CEACAM19: variants seen among roughly 807,000 people sequenced by gnomAD.
The protein encoded by CEACAM19 is CEA cell adhesion molecule 19, also known as cell adhesion molecule CEACAM19.
In CEACAM19, 37 loss-of-function variants were observed where a neutral mutation model predicts 37.6. The observed-to-expected ratio is 0.98, with a 90% confidence interval of 0.76 to 1.29. The LOEUF is 1.29. Ranked by LOEUF, CEACAM19 falls within the 50% of genes most tolerant of loss-of-function variation. The probability of loss-of-function intolerance (pLI) is 0.00; values close to 1 mark genes in which losing one functional copy is unlikely to be tolerated. For synonymous variants in CEACAM19, 140 were observed against 149.8 expected (o/e 0.93, Z 0.48); for missense variants, 340 against 375.6 (o/e 0.91, Z 0.78).
At chr19:44,678,789 T>C in intron 3 of CEACAM19, 64 bp from the exon 4 acceptor site, 2 of 1,586,120 alleles carry the variant, frequency 1.3e-6, no homozygotes, top group Non-Finnish European at 1.7e-6. Context: ...GGAAGGATGT[T>C]GCTCTCTGAT....
rs1470081173 is a variant in CEACAM19 at position 44,671,701 on chromosome 19, C to T, written c.-231C>T. On this transcript the variant is annotated 5_prime_UTR_variant, in exon 1 of 8. Coordinates refer to ENST00000358777, the MANE Select transcript of CEACAM19 (RefSeq NM_001127893.3). The stretch of plus-strand genomic sequence containing the variant: ...GAGGAGTCCTGGGAAGTTCCCCAGT[C>T]ACCCTGAAAAACTGGTTCAACCTCT... 3.9e-6 allele frequency: 2 copies of T among 508,926 alleles called. No individual in the cohort carries two copies. The highest frequency in any genetic ancestry group is 5.8e-5 in the East Asian group (2 of 34,536). The allele number at this position is 508,926 out of a possible 1,614,324, so 31.5% of individuals were successfully genotyped here. A position where few individuals can be genotyped will look rare whatever the true frequency, so the allele number is the denominator to read the frequency against.
In CEACAM19 at chr19:44,682,595, C is replaced by CG; in HGVS notation, c.823dup (p.Glu275GlyfsTer63). ...CTGCCCACACCCCCACACCTGCAGGCGGAGCCAGAGAACCACCAGTACCAG... is the reference window on the plus strand; with the variant it reads ...CTGCCCACACCCCCACACCTGCAGGCGGGAGCCAGAGAACCACCAGTACCAG... On this transcript the variant is annotated frameshift_variant, in exon 7 of 8. Transcript: ENST00000358777. LOFTEE classifies it high-confidence loss of function. The CG allele has an allele frequency of 1.2e-6, 2 of 1,604,878 alleles. No individual in the cohort carries two copies. Among genetic ancestry groups the CG allele is most frequent in the Non-Finnish European group, 8.5e-7 (1 of 1,175,924 alleles).
At chr19:44,673,729 C>G (rs146482326) in intron 2 of CEACAM19, 4 of 152,148 alleles carry the variant, frequency 2.6e-5, no homozygotes, top group African/African-American at 9.7e-5. Flanking sequence ...AATGGAGGCA[C>G]GCAGTGGTTA....
At chr19:44,678,728 AACCGCACACAC>A in intron 3 of CEACAM19, 114 bp from the exon 4 acceptor site, 5 of 1,381,372 alleles carry the variant, frequency 3.6e-6, no homozygotes, top group Non-Finnish European at 4.8e-6. Flanking sequence ...TTTTACTCAA[AACCGCACACAC>A]ACCTTCCACC....
intron 3 of CEACAM19, chr19:44,678,132 C>G (rs1167226301): frequency 6.6e-6 from 1 of 152,064 alleles, no homozygotes; most frequent in Non-Finnish European, 1.5e-5. Context: ...GCCTGTGCTA[C>G]CACACCTGGC....
At chr19:44,675,785 C>CAAA (rs548603442) in intron 2 of CEACAM19, among the ~76,000 whole-genome samples, 183 of 141,678 alleles carry the variant, frequency 1.3e-3, no homozygotes, top group African/African-American at 4.1e-3. Context: ...GACGCTGTTT[C>CAAA]AAAAAAAGAA....
intron 1 of CEACAM19, 101 bp from the exon 2 acceptor site, chr19:44,672,495 C>A: frequency 7.9e-7 from 1 of 1,259,044 alleles, no homozygotes; most frequent in African/African-American, 1.5e-5. Flanking sequence ...GAGCAGCACT[C>A]AGAGTCCTTG....
chr19:44,679,134 A>G (rs1248701385), intron 4 of CEACAM19, among the ~76,000 whole-genome samples, 198 bp downstream of exon 4: 3 of 152,044 alleles, frequency 2.0e-5, no homozygotes, highest in African/African-American at 4.8e-5. Flanking sequence ...CTGGGACCCC[A>G]GGTGTGCACC....
chr19:44,682,696 T>C, intron 7 of CEACAM19, 76 bp downstream of exon 7: 1 of 1,363,334 alleles, frequency 7.3e-7, no homozygotes, highest in Non-Finnish European at 1.0e-6. Context: ...TGGGGAGGGG[T>C]CAAGACAACT....
At chr19:44,668,318 ATATT>A (rs1215468895), upstream of CEACAM19, among the ~76,000 whole-genome samples, 3 of 66,016 alleles carry the variant, frequency 4.5e-5, no homozygotes, top group African/African-American at 2.7e-4. Flanking sequence ...ATATATTATT[ATATT>A]TATATAATAT....
chr19:44,680,438 C>T, intron 5 of CEACAM19, 104 bp downstream of exon 5: 1 of 1,062,006 alleles, frequency 9.4e-7, no homozygotes, highest in Admixed American at 1.9e-5. Context: ...AGAGACCTCC[C>T]AATGCACCTG....
chr19:44,670,709 A>C (rs1210470596), upstream of CEACAM19, among the ~76,000 whole-genome samples: 1 of 145,474 alleles, frequency 6.9e-6, no homozygotes, highest in African/African-American at 2.5e-5. Flanking sequence ...TCTTGCAATT[A>C]TAGGTGACAT....
At chr19:44,670,289 C>T (rs868040401), upstream of CEACAM19, among the ~76,000 whole-genome samples, 34 of 151,294 alleles carry the variant, frequency 2.2e-4, no homozygotes, top group African/African-American at 7.5e-4. Context: ...TGCAACTATA[C>T]TCCAGCCTGG....
intron 7 of CEACAM19, 113 bp downstream of exon 7, chr19:44,682,733 C>T (rs1054211753): frequency 3.2e-5 from 31 of 954,216 alleles, no homozygotes; most frequent in Non-Finnish European, 4.3e-5. Context: ...CTCCCCTCGT[C>T]CCCCCAAGCC....
intron 6 of CEACAM19, 126 bp from the exon 7 acceptor site, chr19:44,682,441 C>G: frequency 1.1e-6 from 1 of 932,996 alleles, no homozygotes; most frequent in Non-Finnish European, 1.7e-6. Flanking sequence ...TCCCCTCTGC[C>G]CAGGGGCCTC....
At chr19:44,675,559 T>TAGA (rs1458791498) in intron 2 of CEACAM19, among the ~76,000 whole-genome samples, 1 of 152,054 alleles carries the variant, frequency 6.6e-6, no homozygotes, top group African/African-American at 2.4e-5. Context: ...ACCAAGGCAG[T>TAGA]AGAACTACTT....
upstream of CEACAM19, among the ~76,000 whole-genome samples, chr19:44,668,021 T>C (rs1216146016): frequency 1.2e-5 from 1 of 86,096 alleles, no homozygotes; most frequent in African/African-American, 4.8e-5. Context: ...ATTATTTATA[T>C]AGTATATATT....
intron 4 of CEACAM19, 90 bp downstream of exon 4, chr19:44,679,026 T>C: frequency 1.3e-6 from 2 of 1,555,942 alleles, no homozygotes; most frequent in Non-Finnish European, 1.7e-6. Context: ...AAAGTCTCAC[T>C]CTGTTGCCAA....
In CEACAM19 at chr19:44,684,192, C is replaced by G. The variant is rs538546473; in HGVS notation, c.*702C>G. On this transcript the variant is annotated 3_prime_UTR_variant, in exon 8 of 8. Transcript: ENST00000358777. Reference sequence around the variant, plus strand: ...CAAATGTGGCCTCAGCTTGTCCTCCCCTTCCCCAAACTATGCATTCATTCA... The same window carrying G: ...CAAATGTGGCCTCAGCTTGTCCTCCGCTTCCCCAAACTATGCATTCATTCA... 1 of 152,520 alleles carries G rather than the reference C, an allele frequency of 6.6e-6. No homozygotes were observed. Among genetic ancestry groups the G allele is most frequent in the African/African-American group, 2.4e-5 (1 of 41,568 alleles). 9.4% of individuals were successfully genotyped at this position (152,520 alleles called of 1,614,324 possible).
Sources: allele counts gnomAD v4.1 joint callset (sites outside exome capture counted in the v4.1 genomes callset), GRCh38; gene constraint gnomAD v4.1.1; transcripts MANE v1.5; gene names NCBI Gene and HGNC (gene_info 2026-07-23, HGNC 2026-07-21).